ABCB4: variants seen among roughly 807,000 people sequenced by gnomAD.
ABCB4 encodes ATP binding cassette subfamily B member 4.
A neutral mutation model predicts 145.7 loss-of-function variants in ABCB4; 76 were observed. The observed-to-expected ratio is 0.52, with a 90% CI of 0.43 to 0.63. ABCB4 has a LOEUF of 0.63. ABCB4 is among the 30% of genes least tolerant of loss of function. ABCB4 has a pLI of 0.00. For missense variants in ABCB4, 1,234 were observed against 1,553.1 expected (o/e 0.79, Z 3.45); for synonymous variants, 517 against 566.8 (o/e 0.91, Z 1.25).
At chr7:87,471,769 C>G (rs377116892) in intron 3 of ABCB4, among the ~76,000 whole-genome samples, 2 of 152,342 alleles carry the variant, frequency 1.3e-5, no homozygotes, top group Non-Finnish European at 1.5e-5. Context: ...GATGAGGAGA[C>G]TTCTTCCAAA....
At chr7:87,439,911 T>G in intron 13 of ABCB4, 74 bp from the exon 14 acceptor site, 1 of 1,576,678 alleles carries the variant, frequency 6.3e-7, no homozygotes, top group Non-Finnish European at 8.7e-7. Context: ...TAGAACTACA[T>G]AAAGACAACA....
chr7:87,452,579 T>A, intron 6 of ABCB4: 2 of 317,544 alleles, frequency 6.3e-6, no homozygotes, highest in Non-Finnish European at 1.2e-5. Flanking sequence ...GTTGAATAAG[T>A]GAAGAGTTGA....
chr7:87,375,928 A>G, the ABCB4 span: 34 of 1,611,336 alleles, frequency 2.1e-5, no homozygotes, highest in African/African-American at 2.7e-5. Flanking sequence ...AGCAGTCCAC[A>G]TGTAACACCA....
chr7:87,409,258 T>G lies in ABCB4; in HGVS notation c.3059A>C (p.Tyr1020Ser). 2.5e-6 allele frequency: 4 copies of G among 1,614,094 alleles called. No homozygotes were observed. Among genetic ancestry groups the G allele is most frequent in the Non-Finnish European group, 3.4e-6 (4 of 1,179,992 alleles). The part of the protein sequence containing the change: ...LFERQPLIDS[Y>S]SEEGLKPDKF... ...TACAGGCTTCAGCCCCTCTTCACTG[T>G]AGCTGTCAATCAGAGGTTGTCTTTC... is the stretch of plus-strand genomic sequence containing the variant. The change falls in exon 24 of 28, where the codon TAC (tyrosine) becomes TCC (serine). Residue 1020 changes from tyrosine to serine, a missense_variant. Tyr to Ser is a moderately radical substitution (Grantham distance 144). Around this residue, in one of 7 missense-constraint regions of ABCB4, gnomAD observed 301 missense variants for 389.0 expected, o/e 0.77. Transcript: ENST00000649586.
In ABCB4 at chr7:87,406,437, C is replaced by T. The variant is rs1282338773; in HGVS notation, c.3337G>A (p.Gly1113Arg). Reference sequence around the variant, plus strand: ...AGGATAGGCTCCTGAGACACGATTCCGAGTTGAGCTCTGAGCCACTGGACA... The same window carrying T: ...AGGATAGGCTCCTGAGACACGATTCTGAGTTGAGCTCTGAGCCACTGGACA... ...LNVQWLRAQL[G>R]IVSQEPILFD... The change falls in exon 26 of 28, where the codon GGA (glycine) becomes AGA (arginine). Residue 1113 changes from glycine (G) to arginine (R), a missense_variant. Coordinates refer to ENST00000649586, the MANE Select transcript of ABCB4 (RefSeq NM_000443.4). 13 of 1,613,844 alleles carry T rather than the reference C, an allele frequency of 8.1e-6. No individual in the cohort carries two copies. The highest frequency in any genetic ancestry group is 2.7e-5 in the African/African-American group (2 of 74,824).
the ABCB4 span, among the ~76,000 whole-genome samples, chr7:87,394,938 G>A: frequency 2.0e-5 from 3 of 151,866 alleles, no homozygotes; most frequent in Non-Finnish European, 4.4e-5. Flanking sequence ...TGAGGACAAA[G>A]GATATCTGCC....
In ABCB4 at chr7:87,426,821, G is replaced by C; in HGVS notation, c.1993C>G (p.His665Asp). The C allele has an allele frequency of 6.2e-7, 1 of 1,613,972 alleles. No homozygotes were observed. Among genetic ancestry groups the C allele is most frequent in the Non-Finnish European group, 8.5e-7 (1 of 1,179,896 alleles). ...PNGWKSRLFR[H>D]STQKNLKNSQ... ...TTTTTAAGGTTTTTCTGAGTAGAATGCCTAAATAGGCGAGATTTCCAGCCA... is the reference window on the plus strand; with the variant it reads ...TTTTTAAGGTTTTTCTGAGTAGAATCCCTAAATAGGCGAGATTTCCAGCCA... The change falls in exon 16 of 28, where the codon CAT becomes GAT. Residue 665 changes from histidine (H) to aspartate (D), a missense_variant. Around this residue, in one of 7 missense-constraint regions of ABCB4, gnomAD observed 321 missense variants for 332.6 expected, o/e 0.97. Coordinates refer to ENST00000649586, the MANE Select transcript of ABCB4 (RefSeq NM_000443.4).
At chr7:87,396,413 A>C in the ABCB4 span, among the ~76,000 whole-genome samples, 1 of 152,304 alleles carries the variant, frequency 6.6e-6, no homozygotes, top group Non-Finnish European at 1.5e-5. Context: ...ATGTTAGATA[A>C]TCTCACAGAA....
intron 8 of ABCB4, chr7:87,448,696 G>C (rs1461942999): frequency 6.6e-6 from 1 of 152,268 alleles, no homozygotes; most frequent in Non-Finnish European, 1.5e-5. Flanking sequence ...GGTTAGTGTG[G>C]TCTGTGTGGA....
At chr7:87,440,428 A>T (rs2116691335) in intron 12 of ABCB4, 26 bp from the exon 13 acceptor site, 1 of 1,601,550 alleles carries the variant, frequency 6.2e-7, no homozygotes, top group Non-Finnish European at 8.6e-7. Context: ...ATTTCCTATT[A>T]AGTATTTAAC....
In ABCB4 at chr7:87,423,936, T is replaced by C. The variant is rs1389687623; in HGVS notation, c.2181A>G (p.Ala727=). 1 of 1,614,074 alleles carries C rather than the reference T, an allele frequency of 6.2e-7. No individual in the cohort carries two copies. The highest frequency in any genetic ancestry group is 8.5e-7 in the Non-Finnish European group (1 of 1,179,968). Residue 727 remains alanine (A), a synonymous_variant, in exon 17 of 28, where the codon GCA becomes GCG. Coordinates refer to ENST00000649586, the MANE Select transcript of ABCB4 (RefSeq NM_000443.4). ...CAIANGGLQP[A]FSVIFSEIIA... ...TGATCTCTGAGAATATGACTGAAAA[T>C]GCCGGCTGAAGCCCCCCATTGGCAA...
At chr7:87,469,767 C>T (rs1288334241) in intron 3 of ABCB4, among the ~76,000 whole-genome samples, 2 of 152,130 alleles carry the variant, frequency 1.3e-5, no homozygotes, top group African/African-American at 2.4e-5. Context: ...TAGGAAGAAT[C>T]AATATCGTGA....
chr7:87,447,038 A>C lies in ABCB4; in HGVS notation c.1001T>G (p.Met334Arg). 1 of 1,612,308 alleles carries C rather than the reference A, an allele frequency of 6.2e-7. No homozygotes were observed. The highest frequency in any genetic ancestry group is 8.5e-7 in the Non-Finnish European group (1 of 1,178,450). Reference sequence around the variant, plus strand: ...AATGTTAGGAGAACTACTTACTGTCATTGCATTTCCAATAGTATATTCTTT... The same window carrying C: ...AATGTTAGGAGAACTACTTACTGTCCTTGCATTTCCAATAGTATATTCTTT... ...ISKEYTIGNA[M>R]TVFFSILIGA... Residue 334 changes from methionine (M) to arginine (R), a missense_variant, in exon 9 of 28, where the codon ATG becomes AGG. By Grantham distance (91) the Met-to-Arg change is moderately conservative. Transcript: ENST00000649586.
At chr7:87,422,724 G>A (rs1809535742) in intron 17 of ABCB4, among the ~76,000 whole-genome samples, 1 of 151,966 alleles carries the variant, frequency 6.6e-6, no homozygotes, top group South Asian at 2.1e-4. Flanking sequence ...CACCCAGAGG[G>A]GCCTTTCCTG....
chr7:87,469,247 A>G (rs1245298973), intron 3 of ABCB4, among the ~76,000 whole-genome samples: 1 of 152,240 alleles, frequency 6.6e-6, no homozygotes, highest in Non-Finnish European at 1.5e-5. Context: ...GCTATTTATG[A>G]CAAACCCATA....
chr7:87,433,679 T>G (rs1420873370), intron 14 of ABCB4, among the ~76,000 whole-genome samples: 1 of 149,642 alleles, frequency 6.7e-6, no homozygotes, highest in African/African-American at 2.5e-5. Context: ...GTTGTTGTTT[T>G]TTTTTTTTTT....
At chr7:87,435,167 A>G (rs982527534) in intron 14 of ABCB4, among the ~76,000 whole-genome samples, 3 of 152,232 alleles carry the variant, frequency 2.0e-5, no homozygotes, top group African/African-American at 4.8e-5. Flanking sequence ...GTGACTGGCT[A>G]ACTGATTGAT....
downstream of ABCB4, chr7:87,398,580 T>C (rs1468600248): frequency 1.2e-6 from 2 of 1,613,772 alleles, no homozygotes; most frequent in Admixed American, 1.7e-5. Flanking sequence ...GCGGAAAAGC[T>C]AGTTCAGCTG....
At chr7:87,419,554 T>C (rs570757725) in intron 19 of ABCB4, among the ~76,000 whole-genome samples, 1 of 152,164 alleles carries the variant, frequency 6.6e-6, no homozygotes, top group East Asian at 1.9e-4. Context: ...TAAACAAAAC[T>C]CAATTATTAA....
Sources: gnomAD v4.1 joint callset for allele counts (sites outside exome capture counted in the v4.1 genomes callset) on GRCh38, gnomAD v4.1.1 for gene constraint, gnomAD v4.1.1 regional missense constraint, MANE v1.5 for transcripts, NCBI Gene and HGNC (gene_info 2026-07-23, HGNC 2026-07-21) for gene names.